The following DNMBP variants were observed in gnomAD, a reference collection of about 807,000 sequenced individuals.
The protein encoded by DNMBP is dynamin-binding protein.
Under a neutral mutation model 150.0 loss-of-function variants are expected in DNMBP, and 87 were observed. That is an observed-to-expected ratio of 0.58 (90% CI 0.49 to 0.69). The LOEUF (loss-of-function observed/expected upper bound fraction) is 0.69, where lower values mean the gene tolerates loss of function less well. DNMBP is among the 30% of genes least tolerant of loss of function. The pLI, the probability that DNMBP is intolerant of heterozygous loss-of-function variation, is 0.00. For synonymous variants in DNMBP, 711 were observed against 750.4 expected (o/e 0.95, Z 0.86); for missense variants, 1,774 against 1,949.0 (o/e 0.91, Z 1.69).
At position 99,955,218 on chromosome 10, in the gene DNMBP, T is replaced by C. The variant is rs2040470487; in HGVS notation, c.2256A>G (p.Leu752=). Residue 752 remains leucine, a synonymous_variant, in exon 4 of 17, where the codon CTA becomes CTG. Coordinates refer to ENST00000324109, the MANE Select transcript of DNMBP (RefSeq NM_015221.4). The part of the protein sequence containing the change: ...IESLNMELQQ[L]REMTLLSSQS... ...TATTATTTCCTCGTCACTTACCTCT[T>C]AGTTGCTGGAGTTCCATATTCAAAC... 2 of 1,612,204 alleles carry C rather than the reference T, an allele frequency of 1.2e-6. No homozygotes were observed. Among genetic ancestry groups the C allele is most frequent in the Non-Finnish European group, 1.7e-6 (2 of 1,178,636 alleles).
In DNMBP at chr10:99,955,803, G is replaced by C. The variant is rs780066787; in HGVS notation, c.1671C>G (p.Ile557Met). ...DLDSKLTQQL[I>M]EFEKSLAGPG... Reference sequence around the variant, plus strand: ...GCCCTGCCAAGCTCTTCTCAAACTCGATCAGCTGTTGTGTCAGCTTCGAGT... The same window carrying C: ...GCCCTGCCAAGCTCTTCTCAAACTCCATCAGCTGTTGTGTCAGCTTCGAGT... Residue 557 changes from isoleucine (I) to methionine (M), a missense_variant, in exon 4 of 17, where the codon ATC becomes ATG. Physicochemically the swap from Ile to Met is conservative, Grantham distance 10. Around this residue, in one of 2 missense-constraint regions of DNMBP, gnomAD observed 1,430 missense variants for 1,492.5 expected, o/e 0.96. Transcript: ENST00000324109. 4 of 1,614,220 alleles carry C rather than the reference G, an allele frequency of 2.5e-6. No individual in the cohort carries two copies. The highest frequency in any genetic ancestry group is 1.3e-5 in the African/African-American group (1 of 75,060).
At chr10:99,986,877 C>T (rs899579072) in intron 1 of DNMBP, among the ~76,000 whole-genome samples, 3 of 152,030 alleles carry the variant, frequency 2.0e-5, no homozygotes, top group East Asian at 1.9e-4. Flanking sequence ...TCTCTAAGGC[C>T]GGGCACGTGG....
intron 6 of DNMBP, among the ~76,000 whole-genome samples, chr10:99,902,927 TAAAAA>T (rs775080360): frequency 1.5e-5 from 2 of 135,240 alleles, no homozygotes; most frequent in African/African-American, 5.5e-5. Context: ...ATTCTGTCTT[TAAAAA>T]AAAAAAAAAA....
At chr10:99,883,871 AAGGTTATTTTTC>A (rs1389536717) in intron 15 of DNMBP, 128 bp downstream of exon 15, 16 of 712,060 alleles carry the variant, frequency 2.2e-5, no homozygotes, top group Non-Finnish European at 2.8e-5. Context: ...AGAGAAGGTT[AAGGTTATTTTTC>A]AGGTTATTTT....
In DNMBP at chr10:99,875,654, G is replaced by C. The variant is rs2039258076; in HGVS notation, c.*1497C>G. On this transcript the variant is annotated 3_prime_UTR_variant, in exon 17 of 17. Transcript: ENST00000324109. The stretch of plus-strand genomic sequence containing the variant: ...TACATAGAAACACTCTTCACAAAAG[G>C]ACTCTTGCATTACTGCCTTCTGACC... 1 of 152,104 alleles carries C rather than the reference G, an allele frequency of 6.6e-6. No individual in the cohort carries two copies. Among genetic ancestry groups the C allele is most frequent in the African/African-American group, 2.4e-5 (1 of 41,414 alleles). The allele number at this position is 152,104 out of a possible 1,614,324, so 9.4% of individuals were successfully genotyped here. A position where few individuals can be genotyped will look rare whatever the true frequency, so the allele number is the denominator to read the frequency against.
rs139333772 is a variant in DNMBP, at chr10:99,999,437, TA to T, written c.-11+10400del. ...ATGACAATGCATGTAGTATGGTAGC[TA>T]AAATATGAGCTGCTGTTTTTACATT... On this transcript the variant is annotated intron_variant, in intron 1 of 16. Transcript: ENST00000324109. Among the ~76,000 whole-genome samples the T allele has an allele frequency of 4.9e-4, 75 of 152,348 alleles. 1 individual carries two copies. The East Asian group carries it at 0.013, about 27-fold the overall frequency.
intron 1 of DNMBP, among the ~76,000 whole-genome samples, chr10:99,975,725 G>A (rs1343692112): frequency 6.6e-6 from 1 of 152,204 alleles, no homozygotes; most frequent in Non-Finnish European, 1.5e-5. Flanking sequence ...TGTAGTCAGA[G>A]AGACCCAGGT....
chr10:99,991,681 C>T (rs142625096), intron 1 of DNMBP, among the ~76,000 whole-genome samples: 1,902 of 151,628 alleles, frequency 0.013, 24 homozygotes, highest in Non-Finnish European at 0.02. Context: ...CCAAGGCAGG[C>T]GGATCACAAG....
chr10:99,888,890 G>A lies in DNMBP; in HGVS notation c.3220C>T (p.His1074Tyr), dbSNP rs2039514055. 6.2e-7 allele frequency: 1 copy of A among 1,614,130 alleles called. No individual in the cohort carries two copies. The highest frequency in any genetic ancestry group is 1.7e-5 in the Admixed American group (1 of 60,022). ...SMWDVCMERG[H>Y]RDLEQFERVH... Reference sequence around the variant, plus strand: ...CTCTCAAACTGCTCCAGGTCCCGGTGTCCTCTCTCCATGCACACATCCCAC... The same window carrying A: ...CTCTCAAACTGCTCCAGGTCCCGGTATCCTCTCTCCATGCACACATCCCAC... Residue 1074 changes from histidine (H) to tyrosine (Y), a missense_variant, in exon 12 of 17, where the codon CAC becomes TAC. By Grantham distance (83) the His-to-Tyr change is moderately conservative (BLOSUM62 2). Around this residue, in one of 2 missense-constraint regions of DNMBP, gnomAD observed 1,430 missense variants for 1,492.5 expected, o/e 0.96. Coordinates refer to ENST00000324109, the MANE Select transcript of DNMBP (RefSeq NM_015221.4).
rs773482918 is a variant in DNMBP, at chr10:99,972,071, T to C, written c.54A>G (p.Ser18=). ...CTCCCACAAAGAGCGGCAGTTCTTC[T>C]GATACGCTAGGGCAGAAGTCAAAAA... is the stretch of plus-strand genomic sequence containing the variant. ...RAIFDFCPSV[S]EELPLFVGDI... The change falls in exon 2 of 17, where the codon TCA becomes TCG. Residue 18 remains serine (S), a synonymous_variant. Transcript: ENST00000324109. 3.1e-6 allele frequency: 5 copies of C among 1,613,934 alleles called. No homozygotes were observed. Among genetic ancestry groups the C allele is most frequent in the African/African-American group, 1.3e-5 (1 of 74,896 alleles).
At chr10:99,878,262 T>A (rs1034891432) in intron 16 of DNMBP, among the ~76,000 whole-genome samples, 2 of 152,196 alleles carry the variant, frequency 1.3e-5, no homozygotes, top group African/African-American at 4.8e-5. Flanking sequence ...AAAGATCTCA[T>A]GATCTAATGC....
intron 4 of DNMBP, chr10:99,914,072 G>A (rs1296873911): frequency 9.1e-6 from 13 of 1,430,520 alleles, no homozygotes; most frequent in East Asian, 5.5e-5. Flanking sequence ...GAATAGGGTC[G>A]GCATTTCCCC....
chr10:99,898,813 C>A, intron 7 of DNMBP, 53 bp from the exon 8 acceptor site: 1 of 1,532,576 alleles, frequency 6.5e-7, no homozygotes, highest in South Asian at 1.1e-5. Context: ...GAGAGAGAAT[C>A]TTGAGTTTCA....
At chr10:99,964,135 CTTT>C (rs895801002) in intron 3 of DNMBP, among the ~76,000 whole-genome samples, 7 of 87,234 alleles carry the variant, frequency 8.0e-5, no homozygotes, top group East Asian at 6.6e-4. Context: ...TATTCTCTCT[CTTT>C]TTTTTTTTTT....
chr10:99,948,209 G>A (rs1045410747), intron 4 of DNMBP, among the ~76,000 whole-genome samples: 8 of 152,110 alleles, frequency 5.3e-5, no homozygotes, highest in African/African-American at 1.7e-4. Context: ...ACAACAAACC[G>A]TGCATTTATC....
Position 99,879,978 on chromosome 10 carries a change from C to A in DNMBP, c.4381G>T (p.Ala1461Ser). Residue 1461 changes from alanine to serine, a missense_variant, in exon 16 of 17, where the codon GCC becomes TCC. By Grantham distance (99) the Ala-to-Ser change is moderately conservative. Coordinates refer to ENST00000324109, the MANE Select transcript of DNMBP (RefSeq NM_015221.4). ...AAGTTCCGGTAGCTCCTCGGCGTGGCAGTGGGTTGCTTTACATCTCTAGCT... is the reference window on the plus strand; with the variant it reads ...AAGTTCCGGTAGCTCCTCGGCGTGGAAGTGGGTTGCTTTACATCTCTAGCT... ...DVARDVKQPTATPRSYRNFRH... is the reference protein window; with the variant it reads ...DVARDVKQPTSTPRSYRNFRH... 6.2e-7 allele frequency: 1 copy of A among 1,614,202 alleles called. No homozygotes were observed. The highest frequency in any genetic ancestry group is 1.3e-5 in the African/African-American group (1 of 75,054).
intron 1 of DNMBP, among the ~76,000 whole-genome samples, chr10:99,990,810 C>CATAT (rs10531743): frequency 8.7e-4 from 128 of 146,706 alleles, no homozygotes; most frequent in East Asian, 3.4e-3. Context: ...CATATATACA[C>CATAT]ATATATATAT....
chr10:99,975,350 A>G (rs1455563674), intron 1 of DNMBP, among the ~76,000 whole-genome samples: 2 of 136,340 alleles, frequency 1.5e-5, no homozygotes, highest in Admixed American at 1.5e-4. Flanking sequence ...CAAGAGCAAA[A>G]CTATGTCTCA....
chr10:99,948,116 CT>C (rs1481412471), intron 4 of DNMBP, among the ~76,000 whole-genome samples: 1 of 152,086 alleles, frequency 6.6e-6, no homozygotes, highest in Non-Finnish European at 1.5e-5. Flanking sequence ...AAAACAAGTC[CT>C]TTAAAAAAGT....
Sources: allele counts gnomAD v4.1 joint callset (sites outside exome capture counted in the v4.1 genomes callset), GRCh38; gene constraint gnomAD v4.1.1; regional missense constraint gnomAD v4.1.1; transcripts MANE v1.5; gene names NCBI Gene and HGNC (gene_info 2026-07-23, HGNC 2026-07-21).